Variants in AGBL4 observed in about 807,000 individuals in gnomAD.
The protein encoded by AGBL4 is AGBL carboxypeptidase 4, also known as cytosolic carboxypeptidase 6.
A neutral mutation model predicts 66.4 loss-of-function variants in AGBL4; 58 were observed. The observed-to-expected ratio is 0.87, with a 90% CI of 0.71 to 1.09. AGBL4 has a LOEUF of 1.09. Among genes scored for constraint, AGBL4 ranks in the 50% least tolerant of loss-of-function variants. The pLI is 0.00. For synonymous variants in AGBL4, 234 were observed against 222.9 expected (o/e 1.05, Z -0.44); for missense variants, 579 against 631.0 (o/e 0.92, Z 0.88).
rs535790645 is a variant in AGBL4, at chr1:48,535,468, C to T, written c.1365-552G>A. 5.3e-5 allele frequency among the ~76,000 whole-genome samples: 8 copies of T among 152,242 alleles called. No homozygotes were observed. In the East Asian group the frequency reaches 1.2e-3, roughly 22 times the overall value. ...TGAGACGATAAGTTTGATGTGTACG[C>T]TTTTTCTCTATAATTCCTGAGCCAA... On this transcript the variant is annotated intron_variant, in intron 12 of 13. Coordinates refer to ENST00000371839, the MANE Select transcript of AGBL4 (RefSeq NM_032785.4).
At chr1:48,798,837 C>T (rs1645749243) in intron 6 of AGBL4, among the ~76,000 whole-genome samples, 1 of 152,054 alleles carries the variant, frequency 6.6e-6, no homozygotes, top group South Asian at 2.1e-4. Flanking sequence ...AAGTTTTTGG[C>T]TTTATTTCTG....
intron 3 of AGBL4, among the ~76,000 whole-genome samples, chr1:49,647,897 G>T (rs112608933): frequency 1.3e-5 from 2 of 148,800 alleles, no homozygotes; most frequent in African/African-American, 4.9e-5. Context: ...TAGAACTACA[G>T]AAGATGTCCT....
intron 3 of AGBL4, among the ~76,000 whole-genome samples, chr1:49,580,331 T>C (rs995821226): frequency 5.9e-5 from 9 of 152,184 alleles, no homozygotes; most frequent in African/African-American, 1.9e-4. Context: ...ATTATTAGTA[T>C]GTGAGGTTGT....
At chr1:49,052,477 TG>T (rs1160014096) in intron 4 of AGBL4, among the ~76,000 whole-genome samples, 1 of 152,144 alleles carries the variant, frequency 6.6e-6, no homozygotes, top group Non-Finnish European at 1.5e-5. Context: ...GTATAAAATG[TG>T]GTTACTAAAA....
At chr1:49,757,193 ATG>A (rs1211352296) in intron 2 of AGBL4, among the ~76,000 whole-genome samples, 1 of 152,080 alleles carries the variant, frequency 6.6e-6, no homozygotes, top group African/African-American at 2.4e-5. Flanking sequence ...GTGAAGAAGA[ATG>A]TGTTTGCTTC....
At chr1:48,661,866 C>T (rs1020015131) in intron 7 of AGBL4, among the ~76,000 whole-genome samples, 5 of 152,104 alleles carry the variant, frequency 3.3e-5, no homozygotes, top group African/African-American at 4.8e-5. Flanking sequence ...TGACAGATGG[C>T]GCAAGTAAAG....
At chr1:48,707,044 A>G (rs989783790) in intron 6 of AGBL4, among the ~76,000 whole-genome samples, 2 of 152,256 alleles carry the variant, frequency 1.3e-5, no homozygotes, top group Non-Finnish European at 2.9e-5. Context: ...CTGTAATCCC[A>G]GCACTTTGGG....
intron 5 of AGBL4, among the ~76,000 whole-genome samples, chr1:48,940,046 A>G (rs1469978075): frequency 3.3e-5 from 5 of 152,210 alleles, no homozygotes; most frequent in African/African-American, 1.2e-4. Flanking sequence ...ACCCTGTTCT[A>G]GTCCCTTTAC....
chr1:49,555,438 T>TG (rs1256653727), intron 3 of AGBL4, among the ~76,000 whole-genome samples: 1 of 150,026 alleles, frequency 6.7e-6, no homozygotes, highest in Non-Finnish European at 1.5e-5. Flanking sequence ...GAGCACTGAT[T>TG]GGTGTGTTTA....
chr1:49,937,174 G>C (rs1017840030), intron 1 of AGBL4, among the ~76,000 whole-genome samples: 1 of 151,978 alleles, frequency 6.6e-6, no homozygotes, highest in Non-Finnish European at 1.5e-5. Flanking sequence ...AACAAAAAAA[G>C]GCAAGGGTTG....
intron 1 of AGBL4, among the ~76,000 whole-genome samples, chr1:49,941,893 G>A (rs1218733766): frequency 6.6e-6 from 1 of 151,752 alleles, no homozygotes; most frequent in African/African-American, 2.4e-5. Flanking sequence ...GAGTAATTAG[G>A]CAAGAAAAAG....
intron 11 of AGBL4, chr1:48,585,300 A>G (rs1174298724): frequency 6.6e-6 from 1 of 152,164 alleles, no homozygotes; most frequent in Non-Finnish European, 1.5e-5. Context: ...TCATCTCACT[A>G]TGAATAAGGG....
intron 1 of AGBL4, among the ~76,000 whole-genome samples, chr1:49,945,529 A>G (rs190059443): frequency 3.9e-5 from 6 of 152,242 alleles, no homozygotes; most frequent in Admixed American, 3.3e-4. Flanking sequence ...AGAATTCACC[A>G]CTACTAAGCC....
chr1:48,800,467 C>T (rs894508395), intron 6 of AGBL4, among the ~76,000 whole-genome samples: 8 of 152,030 alleles, frequency 5.3e-5, no homozygotes, highest in Non-Finnish European at 1.2e-4. Flanking sequence ...TTTCATTTAT[C>T]TGTTTTGTTT....
intron 3 of AGBL4, among the ~76,000 whole-genome samples, chr1:49,603,944 A>G (rs1645015840): frequency 7.0e-6 from 1 of 142,640 alleles, no homozygotes; most frequent in African/African-American, 2.8e-5. Flanking sequence ...ACACACACAC[A>G]CACACACACA....
At chr1:49,817,933 T>C (rs1645271473) in intron 2 of AGBL4, among the ~76,000 whole-genome samples, 1 of 152,198 alleles carries the variant, frequency 6.6e-6, no homozygotes. Context: ...ATATGTGAGC[T>C]GATATCACTT....
intron 5 of AGBL4, among the ~76,000 whole-genome samples, chr1:48,956,063 T>C (rs1246324122): frequency 2.6e-5 from 4 of 152,250 alleles, no homozygotes; most frequent in African/African-American, 9.6e-5. Context: ...CCTTGGGCAT[T>C]AGGCCCTGTT....
At chr1:49,840,447 A>G (rs1645962550) in intron 2 of AGBL4, among the ~76,000 whole-genome samples, 1 of 152,130 alleles carries the variant, frequency 6.6e-6, no homozygotes, top group South Asian at 2.1e-4. Flanking sequence ...TATAGATTTA[A>G]TAACTAGTAT....
chr1:48,657,693 T>C (rs1557859685), intron 7 of AGBL4, among the ~76,000 whole-genome samples: 1 of 150,858 alleles, frequency 6.6e-6, no homozygotes, highest in African/African-American at 2.4e-5. Flanking sequence ...GCACCAATGA[T>C]ACAATGATTT....
Sources: gnomAD v4.1 joint callset for allele counts (sites outside exome capture counted in the v4.1 genomes callset) on GRCh38, gnomAD v4.1.1 for gene constraint, MANE v1.5 for transcripts, NCBI Gene and HGNC (gene_info 2026-07-23, HGNC 2026-07-21) for gene names.